Variants in GABRG3 observed in about 807,000 individuals in gnomAD.
GABRG3 encodes gamma-aminobutyric acid type A receptor subunit gamma3, also known as gamma-aminobutyric acid receptor subunit gamma-3.
In GABRG3, 25 loss-of-function variants were observed where a neutral mutation model predicts 48.8. The ratio of observed to expected loss-of-function variants is 0.51; its 90% CI spans 0.37 to 0.72. The LOEUF (loss-of-function observed/expected upper bound fraction) is 0.72, where lower values mean the gene tolerates loss of function less well. Among genes scored for constraint, GABRG3 ranks in the 30% least tolerant of loss-of-function variants. The pLI is 0.00. For synonymous variants in GABRG3, 227 were observed against 217.6 expected (o/e 1.04, Z -0.38); for missense variants, 394 against 577.9 (o/e 0.68, Z 3.26).
At chr15:27,142,737 A>G (rs1244466298) in intron 3 of GABRG3, among the ~76,000 whole-genome samples, 1 of 150,840 alleles carries the variant, frequency 6.6e-6, no homozygotes, top group Non-Finnish European at 1.5e-5. Context: ...TTATCCCTTC[A>G]TGTTGACAGG....
chr15:27,023,438 TA>T (rs148324309), intron 2 of GABRG3, among the ~76,000 whole-genome samples: 12,128 of 152,208 alleles, frequency 0.08, 554 homozygotes, highest in East Asian at 0.2. Context: ...CTTGCAGACC[TA>T]AAACTCTGTA....
At chr15:27,115,075 A>G (rs2140372802) in intron 3 of GABRG3, among the ~76,000 whole-genome samples, 1 of 152,312 alleles carries the variant, frequency 6.6e-6, no homozygotes, top group Admixed American at 6.5e-5. Flanking sequence ...ATAGTTGTAA[A>G]TAAAAATGAA....
At chr15:27,404,190 T>C (rs1887564863) in intron 5 of GABRG3, among the ~76,000 whole-genome samples, 1 of 152,248 alleles carries the variant, frequency 6.6e-6, no homozygotes, top group Middle Eastern at 3.4e-3. Flanking sequence ...CACTGCACTC[T>C]AGCCTGGGCG....
chr15:27,461,631 GTCCATTTTACAGAGAGCTGA>G (rs1889452127), intron 5 of GABRG3, among the ~76,000 whole-genome samples: 1 of 152,194 alleles, frequency 6.6e-6, no homozygotes, highest in Non-Finnish European at 1.5e-5. Context: ...CTGCCGGTTG[GTCCATTTTACAGAGAGCTGA>G]TTGGTCCATT....
intron 5 of GABRG3, among the ~76,000 whole-genome samples, chr15:27,474,265 C>A (rs564525249): frequency 3.3e-5 from 5 of 151,882 alleles, no homozygotes; most frequent in Admixed American, 2.6e-4. Flanking sequence ...AAGGCCCAGA[C>A]CAAAATAATT....
At chr15:27,341,809 G>A (rs1415483172) in intron 5 of GABRG3, among the ~76,000 whole-genome samples, 1 of 152,148 alleles carries the variant, frequency 6.6e-6, no homozygotes, top group Non-Finnish European at 1.5e-5. Flanking sequence ...AGATGTACAC[G>A]GCTGCAGCAT....
At chr15:27,009,508 A>T (rs1895647679) in intron 2 of GABRG3, among the ~76,000 whole-genome samples, 1 of 152,250 alleles carries the variant, frequency 6.6e-6, no homozygotes, top group African/African-American at 2.4e-5. Flanking sequence ...GGAAAGGCTG[A>T]GAAAGGTTTC....
rs375687848 is a variant in GABRG3 at position 27,110,739 on chromosome 15, TC to T, written c.270+83920del. On this transcript the variant is annotated intron_variant, in intron 3 of 9. Transcript: ENST00000615808. ...TGCTTGCATAATTTCTGATGAGACATCCACTGTAATTCCTAAACTCACACTT... is the reference window on the plus strand; with the variant it reads ...TGCTTGCATAATTTCTGATGAGACATCACTGTAATTCCTAAACTCACACTT... Among the ~76,000 whole-genome samples the T allele has an allele frequency of 2.8e-3, 422 of 152,306 alleles. 1 individual carries two copies. Among genetic ancestry groups the T allele is most frequent in the Non-Finnish European group, 4.4e-3 (301 of 68,028 alleles).
intron 6 of GABRG3, among the ~76,000 whole-genome samples, chr15:27,511,932 G>A (rs1230467560): frequency 6.6e-6 from 1 of 152,194 alleles, no homozygotes; most frequent in Non-Finnish European, 1.5e-5. Context: ...GAACGTTCTA[G>A]CAACTAGAAA....
intron 2 of GABRG3, among the ~76,000 whole-genome samples, chr15:26,982,568 G>A (rs897217135): frequency 1.3e-5 from 2 of 152,124 alleles, no homozygotes; most frequent in African/African-American, 4.8e-5. Flanking sequence ...ATATATTAAG[G>A]TGCTGCCATG....
intron 3 of GABRG3, among the ~76,000 whole-genome samples, chr15:27,248,121 T>A (rs574486836): frequency 8.9e-4 from 135 of 152,294 alleles, no homozygotes; most frequent in African/African-American, 3.0e-3. Context: ...GGCCAAGGAG[T>A]TTCCACCTCC....
intron 3 of GABRG3, among the ~76,000 whole-genome samples, chr15:27,067,386 G>A (rs1331274528): frequency 6.6e-6 from 1 of 152,228 alleles, no homozygotes; most frequent in Non-Finnish European, 1.5e-5. Context: ...CTCTCGTGAT[G>A]TATGATGGAG....
chr15:27,478,403 A>T (rs1157380768), intron 5 of GABRG3, among the ~76,000 whole-genome samples: 1 of 152,240 alleles, frequency 6.6e-6, no homozygotes, highest in Non-Finnish European at 1.5e-5. Flanking sequence ...GCATGAGAAT[A>T]TGCTCAGTAT....
intron 2 of GABRG3, among the ~76,000 whole-genome samples, chr15:27,016,385 G>T (rs1411088227): frequency 2.0e-5 from 3 of 151,498 alleles, no homozygotes; most frequent in African/African-American, 7.3e-5. Flanking sequence ...TAATATTGTT[G>T]GTTGATTTTT....
chr15:27,272,059 G>T (rs1481683550), intron 3 of GABRG3, among the ~76,000 whole-genome samples: 2 of 152,204 alleles, frequency 1.3e-5, no homozygotes, highest in Non-Finnish European at 2.9e-5. Flanking sequence ...GGGAAGTGGG[G>T]AGCAGCTGCT....
chr15:27,287,030 A>G (rs1891636342), intron 3 of GABRG3, among the ~76,000 whole-genome samples: 1 of 152,224 alleles, frequency 6.6e-6, no homozygotes, highest in Non-Finnish European at 1.5e-5. Context: ...AATAACATTT[A>G]AATCTTGTTG....
chr15:27,432,139 C>G (rs72707624), intron 5 of GABRG3, among the ~76,000 whole-genome samples: 2,377 of 152,196 alleles, frequency 0.016, 43 homozygotes, highest in South Asian at 0.079. Flanking sequence ...GTGATGATTT[C>G]TATATATGTC....
At chr15:27,281,459 A>C (rs1369797824) in intron 3 of GABRG3, among the ~76,000 whole-genome samples, 1 of 144,392 alleles carries the variant, frequency 6.9e-6, no homozygotes, top group Non-Finnish European at 1.5e-5. Flanking sequence ...TATTTGTTTC[A>C]TTTTCCTGTG....
chr15:27,524,429 A>G (rs1219984781), intron 7 of GABRG3, among the ~76,000 whole-genome samples: 3 of 152,154 alleles, frequency 2.0e-5, no homozygotes, highest in African/African-American at 7.2e-5. Context: ...AAAGAAATAA[A>G]GAAAAAATAC....
Sources: gnomAD v4.1 joint callset for allele counts (sites outside exome capture counted in the v4.1 genomes callset) on GRCh38, gnomAD v4.1.1 for gene constraint, MANE v1.5 for transcripts, NCBI Gene and HGNC (gene_info 2026-07-23, HGNC 2026-07-21) for gene names.